Variants in NRG3 observed in about 807,000 individuals in gnomAD.
NRG3 encodes the protein pro-neuregulin-3, membrane-bound isoform.
NRG3 carries 31 observed loss-of-function variants against 66.9 expected under a neutral mutation model. That is an observed-to-expected ratio of 0.46 (90% CI 0.35 to 0.63). NRG3 has a LOEUF of 0.63. Ranked by LOEUF, NRG3 falls within the 20% of genes least tolerant of loss-of-function variation. The pLI is 0.00. For missense variants in NRG3, 910 were observed against 878.9 expected (o/e 1.04, Z -0.45); for synonymous variants, 393 against 359.4 (o/e 1.09, Z -1.06).
rs137981285 is a variant in NRG3 at position 82,813,889 on chromosome 10, GTGTGTA to G, written c.1028-51521_1028-51516del. Among the ~76,000 whole-genome samples the G allele has an allele frequency of 4.7e-3, 722 of 152,288 alleles. 18 individuals carry two copies. The highest frequency in any genetic ancestry group is 0.039 in the East Asian group (202 of 5,178). On this transcript the variant is annotated intron_variant, in intron 3 of 8. Coordinates refer to ENST00000372141, the MANE Select transcript of NRG3 (RefSeq NM_001010848.4). ...CTGTGTCTGAAGCATGACTTGGAAC[GTGTGTA>G]CACACAGGTCTTGAGAGGACTATGG...
intron 2 of NRG3, among the ~76,000 whole-genome samples, chr10:82,672,812 C>T (rs138367980): frequency 1.2e-4 from 19 of 152,278 alleles, no homozygotes; most frequent in Non-Finnish European, 1.8e-4. Flanking sequence ...TGCAGTGGCA[C>T]GATCTCGGCT....
chr10:82,875,710 T>A (rs1287964411), intron 4 of NRG3, among the ~76,000 whole-genome samples: 2 of 152,230 alleles, frequency 1.3e-5, no homozygotes, highest in Non-Finnish European at 2.9e-5. Flanking sequence ...AACATGGGCT[T>A]CAGTACATGC....
intron 1 of NRG3, among the ~76,000 whole-genome samples, chr10:81,957,228 C>T (rs1849923928): frequency 6.6e-6 from 1 of 152,150 alleles, no homozygotes; most frequent in Admixed American, 6.5e-5. Flanking sequence ...GGAACGCCTG[C>T]ATTGGACTGT....
At chr10:82,054,470 G>T (rs560858233) in intron 1 of NRG3, among the ~76,000 whole-genome samples, 1 of 152,214 alleles carries the variant, frequency 6.6e-6, no homozygotes, top group South Asian at 2.1e-4. Flanking sequence ...GGGGAGGACT[G>T]TACAGGATTC....
At chr10:82,051,878 A>G (rs1409111551) in intron 1 of NRG3, among the ~76,000 whole-genome samples, 3 of 152,060 alleles carry the variant, frequency 2.0e-5, no homozygotes, top group Non-Finnish European at 4.4e-5. Context: ...CAAGCTTCTC[A>G]TCCAGATTAT....
chr10:81,975,705 A>G (rs1204826071), intron 1 of NRG3, among the ~76,000 whole-genome samples: 3 of 152,144 alleles, frequency 2.0e-5, no homozygotes, highest in African/African-American at 7.2e-5. Flanking sequence ...AAAGACAACC[A>G]TGCCCTAATC....
intron 2 of NRG3, among the ~76,000 whole-genome samples, chr10:82,456,961 T>C (rs980061175): frequency 6.6e-6 from 1 of 152,148 alleles, no homozygotes; most frequent in Non-Finnish European, 1.5e-5. Context: ...CGGAATGTAT[T>C]ATTTCCTCTC....
intron 1 of NRG3, among the ~76,000 whole-genome samples, chr10:82,301,611 C>A (rs2080403443): frequency 6.6e-6 from 1 of 150,560 alleles, no homozygotes; most frequent in East Asian, 1.9e-4. Context: ...ATTTTTATCA[C>A]ATTTTCTTTG....
At chr10:82,332,133 G>C (rs2082166649) in intron 1 of NRG3, among the ~76,000 whole-genome samples, 1 of 152,214 alleles carries the variant, frequency 6.6e-6, no homozygotes, top group South Asian at 2.1e-4. Flanking sequence ...AAGGATCATT[G>C]ATTTCTTTGG....
At chr10:82,548,310 T>G (rs1364336561) in intron 2 of NRG3, among the ~76,000 whole-genome samples, 1 of 152,080 alleles carries the variant, frequency 6.6e-6, no homozygotes, top group Non-Finnish European at 1.5e-5. Context: ...GGAACTTTCC[T>G]TGACTAATTA....
At chr10:82,414,071 C>T (rs2136181015) in intron 2 of NRG3, among the ~76,000 whole-genome samples, 1 of 152,206 alleles carries the variant, frequency 6.6e-6, no homozygotes, top group South Asian at 2.1e-4. Flanking sequence ...CCTTTGCATT[C>T]ACAACTTGGC....
chr10:82,571,685 A>T (rs2045745515), intron 2 of NRG3, among the ~76,000 whole-genome samples: 1 of 151,752 alleles, frequency 6.6e-6, no homozygotes, highest in East Asian at 1.9e-4. Flanking sequence ...TAGATAAGTC[A>T]TATTGATTCA....
intron 2 of NRG3, among the ~76,000 whole-genome samples, chr10:82,672,738 GT>G (rs1208010301): frequency 1.3e-5 from 2 of 152,116 alleles, no homozygotes; most frequent in Non-Finnish European, 2.9e-5. Context: ...AATCTGCATG[GT>G]TTTTTTGTTC....
chr10:82,977,244 T>C (rs1564687324), intron 7 of NRG3, among the ~76,000 whole-genome samples: 1 of 152,122 alleles, frequency 6.6e-6, no homozygotes, highest in Non-Finnish European at 1.5e-5. Context: ...AGAGAGCTTC[T>C]CCAACTTGTG....
At chr10:82,155,936 T>C (rs1424067638) in intron 1 of NRG3, among the ~76,000 whole-genome samples, 1 of 151,760 alleles carries the variant, frequency 6.6e-6, no homozygotes, top group East Asian at 1.9e-4. Context: ...TGCACCTTTC[T>C]CACTAGAAAA....
intron 4 of NRG3, among the ~76,000 whole-genome samples, chr10:82,890,238 T>C (rs1843038452): frequency 6.6e-6 from 1 of 151,956 alleles, no homozygotes; most frequent in Admixed American, 6.6e-5. Flanking sequence ...AACCTAAATA[T>C]GTTGCTTACA....
intron 4 of NRG3, among the ~76,000 whole-genome samples, chr10:82,868,228 A>G (rs1840955880): frequency 6.6e-6 from 1 of 152,204 alleles, no homozygotes; most frequent in African/African-American, 2.4e-5. Context: ...GGTAATTTAT[A>G]GAGTTATAAT....
chr10:82,360,363 A>G lies in NRG3; in HGVS notation c.953+1495A>G, dbSNP rs897705004. The stretch of plus-strand genomic sequence containing the variant: ...ATCCTCAACCATGTTACAGTGGCCA[A>G]TCTAATGGGATAATCATTTGGAAGT... On this transcript the variant is annotated intron_variant, in intron 2 of 8. Transcript: ENST00000372141. Among the ~76,000 whole-genome samples, 12 of 152,342 alleles carry G rather than the reference A, an allele frequency of 7.9e-5. No individual in the cohort carries two copies. In the South Asian group the frequency reaches 8.3e-4, roughly 11 times the overall value.
chr10:82,176,269 A>T (rs1168629227), intron 1 of NRG3, among the ~76,000 whole-genome samples: 1 of 152,088 alleles, frequency 6.6e-6, no homozygotes, highest in East Asian at 1.9e-4. Context: ...TCTTTAAATA[A>T]CTTCTGGTGT....
Sources: gnomAD v4.1 joint callset for allele counts (sites outside exome capture counted in the v4.1 genomes callset) on GRCh38, gnomAD v4.1.1 for gene constraint, MANE v1.5 for transcripts, NCBI Gene and HGNC (gene_info 2026-07-23, HGNC 2026-07-21) for gene names.